The following YTHDC2 variants were observed in gnomAD, a reference collection of about 807,000 sequenced individuals.
YTHDC2 encodes the protein YTH N6-methyladenosine RNA binding protein C2.
Under a neutral mutation model 174.9 loss-of-function variants are expected in YTHDC2, and 45 were observed. That is an observed-to-expected ratio of 0.26 (90% CI 0.20 to 0.33). The LOEUF is 0.33. Ranked by LOEUF, YTHDC2 falls within the 10% of genes least tolerant of loss-of-function variation. The pLI, the probability that YTHDC2 is intolerant of heterozygous loss-of-function variation, is 1.00. For missense variants in YTHDC2, 1,650 were observed against 1,723.7 expected (o/e 0.96, Z 0.76); for synonymous variants, 657 against 574.5 (o/e 1.14, Z -2.05).
At chr5:113,537,143 T>A (rs1775135676) in intron 7 of YTHDC2, among the ~76,000 whole-genome samples, 1 of 152,220 alleles carries the variant, frequency 6.6e-6, no homozygotes, top group African/African-American at 2.4e-5. Flanking sequence ...AAAGTGAATT[T>A]GCTAAATAAG....
intron 8 of YTHDC2, 39 bp downstream of exon 8, chr5:113,539,220 A>G (rs770009643): frequency 1.1e-6 from 1 of 902,738 alleles, no homozygotes; most frequent in Admixed American, 3.7e-5. Context: ...AGAAATTACT[A>G]TTGATAATGA....
chr5:113,579,803 G>A lies in YTHDC2; in HGVS notation c.3354+108G>A, dbSNP rs948617564. On this transcript the variant is annotated intron_variant, in intron 24 of 29. Coordinates refer to ENST00000161863, the MANE Select transcript of YTHDC2 (RefSeq NM_022828.5). The stretch of plus-strand genomic sequence containing the variant: ...TTACTATTGAGCCCTTAGTATCAGA[G>A]AATATAACTTGTTTTTCAGTTTTCT... 9.1e-6 allele frequency: 12 copies of A among 1,313,996 alleles called. No homozygotes were observed. In the South Asian group the frequency reaches 2.5e-4, roughly 27 times the overall value. The allele number at this position is 1,313,996 out of a possible 1,614,324, so 81.4% of individuals were successfully genotyped here.
chr5:113,519,113 T>A (rs1184650146), intron 2 of YTHDC2, among the ~76,000 whole-genome samples: 1 of 152,052 alleles, frequency 6.6e-6, no homozygotes, highest in Non-Finnish European at 1.5e-5. Context: ...GCTCAAGTGA[T>A]CCTCCTGCCT....
chr5:113,521,605 G>T (rs1773862525), intron 2 of YTHDC2, among the ~76,000 whole-genome samples: 1 of 151,558 alleles, frequency 6.6e-6, no homozygotes, highest in African/African-American at 2.4e-5. Context: ...GTGGCGGGCG[G>T]CTGTAGTCCC....
At chr5:113,588,961 G>A (rs1314906907) in intron 26 of YTHDC2, among the ~76,000 whole-genome samples, 1 of 151,780 alleles carries the variant, frequency 6.6e-6, no homozygotes, top group East Asian at 1.9e-4. Context: ...ACTCCTTTAT[G>A]TTATATTGTT....
chr5:113,553,251 G>C lies in YTHDC2; in HGVS notation c.1759G>C (p.Glu587Gln). Residue 587 changes from glutamate to glutamine, a missense_variant, in exon 13 of 30, where the codon GAA becomes CAA. Glu to Gln is a conservative substitution (Grantham distance 29). Around this residue, in one of 5 missense-constraint regions of YTHDC2, gnomAD observed 411 missense variants for 380.6 expected, o/e 1.08. Transcript: ENST00000161863. ...AACAAATGGAAGTGACCTCAGTGCT[G>C]AAGACAGAGAGCTCCTGAAAGCTTA... ...VQTNGSDLSA[E>Q]DRELLKAYHH... 1 of 1,599,736 alleles carries C rather than the reference G, an allele frequency of 6.3e-7. No individual in the cohort carries two copies. The highest frequency in any genetic ancestry group is 1.1e-5 in the South Asian group (1 of 90,212).
intron 12 of YTHDC2, among the ~76,000 whole-genome samples, chr5:113,549,501 C>G (rs75451792): frequency 0.012 from 1,772 of 152,044 alleles, 39 homozygotes; most frequent in African/African-American, 0.041. Context: ...GTTCAGTGGC[C>G]TTTGAGTGAA....
rs764099615 is a variant in YTHDC2 at position 113,581,443 on chromosome 5, A to G, written c.3381A>G (p.Arg1127=). 1.2e-6 allele frequency: 2 copies of G among 1,609,724 alleles called. No individual in the cohort carries two copies. The highest frequency in any genetic ancestry group is 3.4e-5 in the Admixed American group (2 of 59,032). Residue 1127 remains arginine, a synonymous_variant, in exon 25 of 30, where the codon AGA becomes AGG. Transcript: ENST00000161863. ...PEAASLLLQL[R]QKWHSLFLRR... ...CAGCTAGTTTATTGCTGCAGCTCAG[A>G]CAGAAGTGGCATAGCTTATTTTTAC...
chr5:113,579,509 C>A, intron 23 of YTHDC2, 77 bp from the exon 24 acceptor site: 2 of 1,019,726 alleles, frequency 2.0e-6, no homozygotes, highest in Non-Finnish European at 2.8e-6. Context: ...GTATATGAAG[C>A]GTATTTATTC....
chr5:113,585,116 G>T lies in YTHDC2; in HGVS notation c.3825+637G>T, dbSNP rs113848421. Among the ~76,000 whole-genome samples, 1,301 of 151,866 alleles carry T rather than the reference G, an allele frequency of 8.6e-3. 10 individuals carry two copies. The highest frequency in any genetic ancestry group is 0.014 in the Non-Finnish European group (939 of 67,940). Reference sequence around the variant, plus strand: ...TTTTTGCTAAAATAAATAACAAAAAGATTAATTTAACTTTGGTTTATAATT... The same window carrying T: ...TTTTTGCTAAAATAAATAACAAAAATATTAATTTAACTTTGGTTTATAATT... On this transcript the variant is annotated intron_variant, in intron 26 of 29. Transcript: ENST00000161863.
Position 113,591,124 on chromosome 5 carries a change from T to C in YTHDC2, c.3909T>C (p.Ile1303=). ...GTAGCAATTTGAGAAACCTTGAAAT[T>C]TCTCAACAGAAGGGTATCTGGTCTA... ...MKSSNLRNLE[I]SQQKGIWSTT... The change falls in exon 27 of 30, where the codon ATT becomes ATC. Residue 1303 remains isoleucine (I), a synonymous_variant. Coordinates refer to ENST00000161863, the MANE Select transcript of YTHDC2 (RefSeq NM_022828.5). 6.2e-7 allele frequency: 1 copy of C among 1,613,970 alleles called. No individual in the cohort carries two copies. Among genetic ancestry groups the C allele is most frequent in the African/African-American group, 1.3e-5 (1 of 75,028 alleles).
chr5:113,531,464 A>T (rs567024276), intron 4 of YTHDC2, among the ~76,000 whole-genome samples: 2 of 152,244 alleles, frequency 1.3e-5, no homozygotes, highest in South Asian at 4.1e-4. Context: ...GAGAGCAATT[A>T]TGTGGTCCTA....
rs114266156 is a variant in YTHDC2, at chr5:113,549,269, C to A, written c.1688+249C>A. 4.7e-3 allele frequency among the ~76,000 whole-genome samples: 721 copies of A among 152,186 alleles called. 6 individuals are homozygous for A. Among genetic ancestry groups the A allele is most frequent in the African/African-American group, 0.017 (689 of 41,516 alleles). ...TAAGTATCTCTGCATTTTCTCAAACCTTTTACATTTCTCAAAACCTCACTA... is the reference window on the plus strand; with the variant it reads ...TAAGTATCTCTGCATTTTCTCAAACATTTTACATTTCTCAAAACCTCACTA... On this transcript the variant is annotated intron_variant, in intron 12 of 29. Transcript: ENST00000161863.
intron 4 of YTHDC2, among the ~76,000 whole-genome samples, chr5:113,527,751 T>G (rs1167666320): frequency 6.6e-6 from 1 of 152,168 alleles, no homozygotes; most frequent in East Asian, 1.9e-4. Flanking sequence ...GATGAAATTT[T>G]TTTCTGAAGA....
At chr5:113,514,576 TTAGA>T (rs775220229) in intron 1 of YTHDC2, among the ~76,000 whole-genome samples, 9 of 152,084 alleles carry the variant, frequency 5.9e-5, no homozygotes, top group Non-Finnish European at 1.3e-4. Context: ...CCTCTTGAGG[TTAGA>T]TAGCCACTTG....
intron 24 of YTHDC2, 28 bp downstream of exon 24, chr5:113,579,723 ATTTC>A (rs1344769651): frequency 6.4e-6 from 10 of 1,567,502 alleles, no homozygotes; most frequent in Non-Finnish European, 8.6e-6. Context: ...AGTGTAATAA[ATTTC>A]TTTCATTCAG....
At chr5:113,568,066 A>G (rs190600564) in intron 23 of YTHDC2, among the ~76,000 whole-genome samples, 6 of 152,194 alleles carry the variant, frequency 3.9e-5, no homozygotes, top group Admixed American at 1.3e-4. Context: ...TGCATTTTTT[A>G]TTAATCTTGC....
rs1198065649 is a variant in YTHDC2 at position 113,513,731 on chromosome 5, C to G, written c.-165C>G. On this transcript the variant is annotated 5_prime_UTR_variant, in exon 1 of 30. An upstream open reading frame in the 5' UTR gains an earlier in-frame stop. Coordinates refer to ENST00000161863, the MANE Select transcript of YTHDC2 (RefSeq NM_022828.5). Reference sequence around the variant, plus strand: ...GCCGTGATATCAATGGCGCAGGCTTCACTTCTGCTGTGGCGGTGACTGAGG... The same window carrying G: ...GCCGTGATATCAATGGCGCAGGCTTGACTTCTGCTGTGGCGGTGACTGAGG... 2 of 719,690 alleles carry G rather than the reference C, an allele frequency of 2.8e-6. No individual in the cohort carries two copies. The highest frequency in any genetic ancestry group is 4.3e-6 in the Non-Finnish European group (2 of 468,360). 44.6% of individuals were successfully genotyped at this position (719,690 alleles called of 1,614,324 possible). A position where few individuals can be genotyped will look rare whatever the true frequency, so the allele number is the denominator to read the frequency against.
rs376068693 is a variant in YTHDC2 at position 113,518,195 on chromosome 5, G to GTT, written c.278+2847_278+2848dup. The stretch of plus-strand genomic sequence containing the variant: ...GAGCCACTGCACCTGGCGTTTTTTT[G>GTT]TTTTTTTTTTTTTTTGGAGACAAGG... On this transcript the variant is annotated intron_variant, in intron 2 of 29. Coordinates refer to ENST00000161863, the MANE Select transcript of YTHDC2 (RefSeq NM_022828.5). 6.1e-3 allele frequency among the ~76,000 whole-genome samples: 694 copies of GTT among 113,278 alleles called. 10 individuals carry two copies. Among genetic ancestry groups the GTT allele is most frequent in the African/African-American group, 0.014 (451 of 32,472 alleles). 74.3% of individuals were successfully genotyped at this position (113,278 alleles called of 152,430 possible).
Sources: gnomAD v4.1 joint callset for allele counts (sites outside exome capture counted in the v4.1 genomes callset) on GRCh38, gnomAD v4.1.1 for gene constraint, gnomAD v4.1.1 regional missense constraint, MANE v1.5 for transcripts, NCBI Gene and HGNC (gene_info 2026-07-23, HGNC 2026-07-21) for gene names.